Variants in NPHP1 observed in about 807,000 individuals in gnomAD.
NPHP1 encodes nephrocystin-1.
Under a neutral mutation model 90.4 loss-of-function variants are expected in NPHP1, and 70 were observed. That is an observed-to-expected ratio of 0.77 (90% CI 0.64 to 0.95). NPHP1 has a LOEUF of 0.95. Among genes scored for constraint, NPHP1 ranks in the 40% least tolerant of loss-of-function variants. The pLI is 0.00. For missense variants in NPHP1, 764 were observed against 795.9 expected, an observed-to-expected ratio of 0.96 and a Z score of 0.48; for synonymous variants, 256 against 271.7, an observed-to-expected ratio of 0.94 and a Z score of 0.57.
intron 2 of NPHP1, among the ~76,000 whole-genome samples, chr2:110,194,334 G>A (rs1357927082): frequency 1.3e-5 from 2 of 152,032 alleles, no homozygotes; most frequent in South Asian, 2.1e-4. Flanking sequence ...TATCACCACC[G>A]ATCCCACAGA....
At chr2:110,135,439 C>T (rs1406895332) in intron 16 of NPHP1, among the ~76,000 whole-genome samples, 28 of 139,612 alleles carry the variant, frequency 2.0e-4, no homozygotes, top group African/African-American at 4.9e-4. Context: ...ATTGCGCCAC[C>T]GCACTCCAAC....
intron 2 of NPHP1, chr2:110,184,030 C>T (rs1460479990): frequency 2.2e-6 from 1 of 461,480 alleles, no homozygotes; most frequent in Non-Finnish European, 4.4e-6. Context: ...ACTGGTAGTT[C>T]CTTCCCCAGG....
chr2:110,147,522 T>C (rs1681150967), intron 13 of NPHP1, among the ~76,000 whole-genome samples: 1 of 152,148 alleles, frequency 6.6e-6, no homozygotes, highest in South Asian at 2.1e-4. Flanking sequence ...AAACTCACTT[T>C]ATAAAAGTCA....
intron 1 of NPHP1, among the ~76,000 whole-genome samples, chr2:110,204,266 T>C (rs980827595): frequency 3.3e-5 from 5 of 152,180 alleles, no homozygotes; most frequent in Non-Finnish European, 7.4e-5. Flanking sequence ...AGACAGAGTG[T>C]TGTGATTTTT....
At chr2:110,202,564 T>C in intron 1 of NPHP1, 1 of 349,944 alleles carries the variant, frequency 2.9e-6, no homozygotes. Flanking sequence ...AGAGCCAATA[T>C]TTCTCCAGGG....
chr2:110,172,962 C>CTTTT (rs559012343), intron 4 of NPHP1, among the ~76,000 whole-genome samples: 19 of 136,096 alleles, frequency 1.4e-4, no homozygotes, highest in Non-Finnish European at 2.4e-4. Flanking sequence ...TTTTCTTTTT[C>CTTTT]TTTTTTTTTT....
intron 15 of NPHP1, chr2:110,143,948 T>C (rs1680830452): frequency 5.3e-6 from 2 of 375,220 alleles, no homozygotes; most frequent in Non-Finnish European, 1.0e-5. Context: ...AGGACTGGCG[T>C]TGTGGGGTCA....
intron 2 of NPHP1, among the ~76,000 whole-genome samples, chr2:110,196,832 T>G (rs555519379): frequency 6.6e-6 from 1 of 152,122 alleles, no homozygotes; most frequent in Non-Finnish European, 1.5e-5. Flanking sequence ...CCATAAAAAA[T>G]GATGAGTTCA....
Position 110,147,986 on chromosome 2 carries a change from A to G in NPHP1, c.1199T>C (p.Phe400Ser). 1 of 1,611,440 alleles carries G rather than the reference A, an allele frequency of 6.2e-7. No homozygotes were observed. The change falls in exon 13 of 20, where the codon TTT becomes TCT. Residue 400 changes from phenylalanine to serine, a missense_variant. Physicochemically the swap from Phe to Ser is radical, Grantham distance 155. Coordinates refer to ENST00000445609, the MANE Select transcript of NPHP1 (RefSeq NM_001128178.3). ...ILPCLLDGDC[F>S]IRSNSASPDL... The stretch of plus-strand genomic sequence containing the variant: ...TGGAGATGCAGAATTAGACCTGATA[A>G]AGCAATCACCATCAAGCAAACATGG...
intron 4 of NPHP1, chr2:110,178,072 A>G: frequency 3.2e-6 from 1 of 316,652 alleles, no homozygotes; most frequent in Non-Finnish European, 5.8e-6. Flanking sequence ...ATGTTTATGA[A>G]AGGGAGAACA....
chr2:110,166,882 T>C (rs1462845021), intron 6 of NPHP1, among the ~76,000 whole-genome samples: 2 of 152,124 alleles, frequency 1.3e-5, no homozygotes, highest in African/African-American at 2.4e-5. Flanking sequence ...CCCTATGTAA[T>C]ACAATAGCCC....
At chr2:110,198,564 C>T (rs1685321312) in intron 2 of NPHP1, among the ~76,000 whole-genome samples, 1 of 152,018 alleles carries the variant, frequency 6.6e-6, no homozygotes, top group African/African-American at 2.4e-5. Flanking sequence ...CTCTGCTCTC[C>T]CTCCTTACCA....
At chr2:110,133,915 C>A (rs1055086381) in intron 16 of NPHP1, among the ~76,000 whole-genome samples, 1 of 151,748 alleles carries the variant, frequency 6.6e-6, no homozygotes. Flanking sequence ...AAATACTTAA[C>A]ATTAAAAAAG....
chr2:110,185,368 G>A (rs544787898), intron 2 of NPHP1, among the ~76,000 whole-genome samples: 1 of 152,200 alleles, frequency 6.6e-6, no homozygotes, highest in South Asian at 2.1e-4. Flanking sequence ...AACTACCCAC[G>A]ATGGTGATGG....
intron 16 of NPHP1, among the ~76,000 whole-genome samples, chr2:110,137,876 G>C (rs1390969873): frequency 6.6e-6 from 1 of 150,856 alleles, no homozygotes; most frequent in African/African-American, 2.4e-5. Flanking sequence ...ACATGCACAC[G>C]TATGTTTATT....
chr2:110,146,064 T>A (rs977153774), intron 14 of NPHP1, among the ~76,000 whole-genome samples: 2 of 152,304 alleles, frequency 1.3e-5, no homozygotes, highest in Non-Finnish European at 2.9e-5. Context: ...TACAGTTACA[T>A]GGGTAGAGCT....
intron 3 of NPHP1, chr2:110,178,821 G>A: frequency 3.2e-6 from 1 of 312,932 alleles, no homozygotes; most frequent in Non-Finnish European, 5.9e-6. Flanking sequence ...TAAGAGATAT[G>A]TTCTGACAGA....
At position 110,125,643 on chromosome 2, in the gene NPHP1, T is replaced by G. The variant is rs757410501; in HGVS notation, c.1755A>C (p.Ser585=). ...WAGKESTLKR[S]EKRDKEFLKS... is the part of the protein sequence containing the mutation. ...GTGGAGACTCATATTTTACCTTCTC[T>G]GATCTTTTTAATGTGCTTTCTTTTC... The change falls in exon 19 of 20, where the codon TCA becomes TCC. Residue 585 remains serine (S), a synonymous_variant. Transcript: ENST00000445609. 2 of 1,613,056 alleles carry G rather than the reference T, an allele frequency of 1.2e-6. No homozygotes were observed. Among genetic ancestry groups the G allele is most frequent in the Non-Finnish European group, 1.7e-6 (2 of 1,179,132 alleles).
chr2:110,146,333 A>T (rs762713885), intron 14 of NPHP1, among the ~76,000 whole-genome samples: 15 of 152,040 alleles, frequency 9.9e-5, no homozygotes, highest in Non-Finnish European at 1.6e-4. Flanking sequence ...TAAAGTTTAA[A>T]TCATTTACCG....
Sources: allele counts gnomAD v4.1 joint callset (sites outside exome capture counted in the v4.1 genomes callset), GRCh38; gene constraint gnomAD v4.1.1; transcripts MANE v1.5; gene names NCBI Gene and HGNC (gene_info 2026-07-23, HGNC 2026-07-21).